The following BHMT variants were observed in gnomAD, a reference collection of about 807,000 sequenced individuals.
BHMT encodes the protein betaine--homocysteine S-methyltransferase.
In BHMT, 38 loss-of-function variants were observed where a neutral mutation model predicts 49.5. That is an observed-to-expected ratio of 0.77 (90% confidence interval 0.59 to 1.01). The LOEUF is 1.01. Among genes scored for constraint, BHMT ranks in the 50% least tolerant of loss-of-function variants. BHMT has a pLI of 0.00. For missense variants in BHMT, 426 were observed against 495.7 expected, an observed-to-expected ratio of 0.86 and a Z score of 1.34; for synonymous variants, 166 against 176.3, an observed-to-expected ratio of 0.94 and a Z score of 0.46.
intron 1 of BHMT, 60 bp downstream of exon 1, chr5:79,111,978 G>A: frequency 3.4e-6 from 5 of 1,487,558 alleles, no homozygotes; most frequent in Non-Finnish European, 3.6e-6. Context: ...CTGTATCCCA[G>A]CCTCTGGGAG....
chr5:79,114,099 A>ATATT (rs1756348677), intron 1 of BHMT, among the ~76,000 whole-genome samples: 1 of 147,394 alleles, frequency 6.8e-6, no homozygotes, highest in Admixed American at 6.8e-5. Flanking sequence ...ATATATATAT[A>ATATT]TATTTATATA....
chr5:79,124,951 T>C (rs1203931304), intron 5 of BHMT, among the ~76,000 whole-genome samples: 1 of 152,192 alleles, frequency 6.6e-6, no homozygotes, highest in Non-Finnish European at 1.5e-5. Context: ...TACATTCTGC[T>C]GCTGTGCCCA....
intron 3 of BHMT, among the ~76,000 whole-genome samples, chr5:79,119,820 G>A (rs908640755): frequency 3.9e-5 from 6 of 152,162 alleles, no homozygotes; most frequent in Non-Finnish European, 8.8e-5. Context: ...AAAATTCCAC[G>A]AGTGTACAGT....
Position 79,126,059 on chromosome 5 carries a change from T to C in BHMT, c.639T>C (p.Ile213=). The C allele has an allele frequency of 6.2e-7, 1 of 1,601,794 alleles. No individual in the cohort carries two copies. The highest frequency in any genetic ancestry group is 8.5e-7 in the Non-Finnish European group (1 of 1,169,760). The change falls in exon 6 of 8, where the codon ATT becomes ATC. Residue 213 remains isoleucine (I), a synonymous_variant. Coordinates refer to ENST00000274353, the MANE Select transcript of BHMT (RefSeq NM_001713.3). ...TCCCACTCACAGGAGCATCCATCAT[T>C]GGTGTGAACTGCCACTTTGACCCCA... ...VRLVKAGASI[I]GVNCHFDPTI... is the part of the protein sequence containing the mutation.
At position 79,126,053 on chromosome 5, in the gene BHMT, C is replaced by T; in HGVS notation, c.633C>T (p.Ser211=). The T allele has an allele frequency of 6.3e-7, 1 of 1,598,340 alleles. No homozygotes were observed. Among genetic ancestry groups the T allele is most frequent in the Non-Finnish European group, 8.6e-7 (1 of 1,166,962 alleles). Residue 211 remains serine (S), a synonymous_variant, in exon 6 of 8, where the codon TCC becomes TCT. Transcript: ENST00000274353. ...TGTTCTTCCCACTCACAGGAGCATC[C>T]ATCATTGGTGTGAACTGCCACTTTG... The part of the protein sequence containing the change: ...CAVRLVKAGA[S]IIGVNCHFDP...
At chr5:79,129,847 C>T (rs1396028026) in intron 7 of BHMT, among the ~76,000 whole-genome samples, 3 of 152,024 alleles carry the variant, frequency 2.0e-5, no homozygotes, top group Non-Finnish European at 4.4e-5. Flanking sequence ...CCCAAATTTT[C>T]CCTGTACATA....
chr5:79,123,879 C>T (rs370968729), intron 5 of BHMT, among the ~76,000 whole-genome samples: 2 of 152,158 alleles, frequency 1.3e-5, no homozygotes, highest in East Asian at 3.9e-4. Flanking sequence ...GGGGTGGAAA[C>T]AATCTCAGAG....
At chr5:79,112,136 A>C (rs11955042) in intron 1 of BHMT, among the ~76,000 whole-genome samples, 389 of 152,064 alleles carry the variant, frequency 2.6e-3, no homozygotes, top group African/African-American at 8.9e-3. Flanking sequence ...CCACGTTCAG[A>C]GCGCGCCCCC....
chr5:79,120,630 T>G lies in BHMT; in HGVS notation c.477+89T>G, dbSNP rs987186189. 3.2e-6 allele frequency: 4 copies of G among 1,233,254 alleles called. No individual in the cohort carries two copies. The African/African-American group carries it at 4.7e-5, about 14-fold the overall frequency. 76.4% of individuals were successfully genotyped at this position (1,233,254 alleles called of 1,614,324 possible). ...TTCAAGAGTACTGTGTGGGGTTAGG[T>G]GACAATCATAACTAGCAATAGTAAT... On this transcript the variant is annotated intron_variant, in intron 4 of 7. Coordinates refer to ENST00000274353, the MANE Select transcript of BHMT (RefSeq NM_001713.3).
At chr5:79,128,354 C>G (rs1434316270) in intron 7 of BHMT, among the ~76,000 whole-genome samples, 1 of 132,452 alleles carries the variant, frequency 7.5e-6, no homozygotes, top group Non-Finnish European at 1.6e-5. Context: ...AACTCCATCT[C>G]TACTAAAAAT....
intron 5 of BHMT, among the ~76,000 whole-genome samples, chr5:79,125,771 A>AC (rs2112730853): frequency 6.6e-6 from 1 of 152,176 alleles, no homozygotes; most frequent in South Asian, 2.1e-4. Flanking sequence ...ATATCTATAA[A>AC]AAAACAAACA....
intron 5 of BHMT, among the ~76,000 whole-genome samples, chr5:79,123,469 T>C (rs1472143048): frequency 1.3e-5 from 2 of 152,206 alleles, no homozygotes; most frequent in East Asian, 3.8e-4. Context: ...TATCTCTATA[T>C]ACAAAATACA....
intron 5 of BHMT, among the ~76,000 whole-genome samples, chr5:79,125,842 C>T (rs549597291): frequency 6.6e-6 from 1 of 151,992 alleles, no homozygotes; most frequent in Admixed American, 6.6e-5. Flanking sequence ...ACTTGGGAGG[C>T]TGAGGTGGGA....
In BHMT at chr5:79,127,519, A is replaced by G. The variant is rs545966442; in HGVS notation, c.809-236A>G. ...CAGCCCTGTTATAATGCAAGAGGGG[A>G]CTGCACAAGAAGAAAAACATCAAAG... On this transcript the variant is annotated intron_variant, in intron 6 of 7. Transcript: ENST00000274353. Among the ~76,000 whole-genome samples the G allele has an allele frequency of 5.3e-5, 8 of 152,256 alleles. No homozygotes were observed. In the South Asian group the frequency reaches 1.7e-3, roughly 32 times the overall value.
intron 4 of BHMT, 91 bp from the exon 5 acceptor site, chr5:79,121,127 G>C: frequency 6.7e-7 from 1 of 1,500,906 alleles, no homozygotes. Context: ...CTCCAGCCTG[G>C]GTGAAAGAGC....
At position 79,115,779 on chromosome 5, in the gene BHMT, C is replaced by CG; in HGVS notation, c.47dup (p.Leu17PhefsTer31). 6.2e-7 allele frequency: 1 copy of CG among 1,610,746 alleles called. No homozygotes were observed. The highest frequency in any genetic ancestry group is 8.5e-7 in the Non-Finnish European group (1 of 1,178,246). ...TCTGTAATTTTAGGGCATCCTAGAA[C>CG]GTTTAAATGCTGGAGAGATTGTGAT... On this transcript the variant is annotated frameshift_variant, in exon 2 of 8. Coordinates refer to ENST00000274353, the MANE Select transcript of BHMT (RefSeq NM_001713.3). LOFTEE classifies it high-confidence loss of function.
chr5:79,115,938 C>A, intron 2 of BHMT, 39 bp downstream of exon 2: 4 of 1,564,898 alleles, frequency 2.6e-6, no homozygotes, highest in Non-Finnish European at 3.5e-6. Flanking sequence ...CATAAAGGAG[C>A]CGGGTGTGGA....
intron 3 of BHMT, 104 bp downstream of exon 3, chr5:79,119,481 T>C (rs997125818): frequency 8.4e-6 from 7 of 832,550 alleles, no homozygotes; most frequent in Non-Finnish European, 1.3e-5. Flanking sequence ...AGTTTTGTTT[T>C]ATTTCTAATA....
chr5:79,119,215 T>A, intron 2 of BHMT, 44 bp from the exon 3 acceptor site: 1 of 1,414,564 alleles, frequency 7.1e-7, no homozygotes, highest in Non-Finnish European at 9.7e-7. Context: ...AAATATCGTG[T>A]GTTAATAAAC....
Sources: allele counts gnomAD v4.1 joint callset (sites outside exome capture counted in the v4.1 genomes callset), GRCh38; gene constraint gnomAD v4.1.1; transcripts MANE v1.5; gene names NCBI Gene and HGNC (gene_info 2026-07-23, HGNC 2026-07-21).